Variants in PDE1C observed in about 807,000 individuals in gnomAD.
PDE1C encodes dual specificity calcium/calmodulin-dependent 3',5'-cyclic nucleotide phosphodiesterase 1C.
PDE1C carries 62 observed loss-of-function variants against 93.1 expected under a neutral mutation model. The ratio of observed to expected loss-of-function variants is 0.67; its 90% confidence interval spans 0.54 to 0.82. The LOEUF (loss-of-function observed/expected upper bound fraction) is 0.82, where lower values mean the gene tolerates loss of function less well. Among genes scored for constraint, PDE1C ranks in the 40% least tolerant of loss-of-function variants. PDE1C has a pLI of 0.00. For synonymous variants in PDE1C, 325 were observed against 310.1 expected (o/e 1.05, Z -0.50); for missense variants, 742 against 884.6 (o/e 0.84, Z 2.04).
At chr7:32,270,176 A>G (rs1259379609) in intron 1 of PDE1C, among the ~76,000 whole-genome samples, 2 of 152,172 alleles carry the variant, frequency 1.3e-5, no homozygotes, top group African/African-American at 4.8e-5. Flanking sequence ...GCTTTGTAAA[A>G]AAAAATCTAA....
chr7:32,364,860 G>A (rs1784201168), intron 1 of PDE1C, among the ~76,000 whole-genome samples: 1 of 152,216 alleles, frequency 6.6e-6, no homozygotes, highest in Admixed American at 6.5e-5. Context: ...TGGAGCTTGG[G>A]CCCAGGATGG....
chr7:32,099,959 T>C (rs1174742047), intron 3 of PDE1C, among the ~76,000 whole-genome samples: 2 of 151,974 alleles, frequency 1.3e-5, no homozygotes, highest in East Asian at 1.9e-4. Flanking sequence ...ATCACCAACA[T>C]AAAAGCAGTT....
chr7:32,302,736 T>C (rs1419100935), upstream of PDE1C, among the ~76,000 whole-genome samples: 1 of 152,224 alleles, frequency 6.6e-6, no homozygotes, highest in African/African-American at 2.4e-5. Context: ...TATCAAAAAG[T>C]ATAGTTTCTA....
At position 32,105,567 on chromosome 7, in the gene PDE1C, T is replaced by C. The variant is rs1798256234; in HGVS notation, c.308+64218A>G. ...GGAGGGAGAAGGACATACACTCCTC[T>C]TCCCCGTTAGCTCCCAGAATGTTGG... On this transcript the variant is annotated intron_variant, in intron 3 of 18. Transcript: ENST00000396193. Among the ~76,000 whole-genome samples, 5 of 152,288 alleles carry C rather than the reference T, an allele frequency of 3.3e-5. 1 individual carries two copies. The highest frequency in any genetic ancestry group is 6.8e-3 in the Middle Eastern group (2 of 294).
intron 2 of PDE1C, among the ~76,000 whole-genome samples, chr7:31,920,875 G>T (rs1020418219): frequency 2.0e-5 from 3 of 152,170 alleles, no homozygotes; most frequent in African/African-American, 7.2e-5. Context: ...AAAACTCGTA[G>T]TCAAGTCTCC....
At chr7:32,401,812 C>T (rs1784948230) in intron 1 of PDE1C, among the ~76,000 whole-genome samples, 1 of 152,178 alleles carries the variant, frequency 6.6e-6, no homozygotes, top group Non-Finnish European at 1.5e-5. Flanking sequence ...GGGCAACTCG[C>T]CTACGTCAGA....
chr7:31,899,132 C>CTTTTTTTTTT (rs386409838), intron 2 of PDE1C, among the ~76,000 whole-genome samples: 2 of 85,018 alleles, frequency 2.4e-5, no homozygotes, highest in Non-Finnish European at 4.5e-5. Context: ...GGCAGTCCCA[C>CTTTTTTTTTT]TTTTTTTTTT....
chr7:31,855,034 T>A (rs1793821982), intron 7 of PDE1C, among the ~76,000 whole-genome samples: 1 of 131,630 alleles, frequency 7.6e-6, no homozygotes, highest in Admixed American at 8.4e-5. Context: ...ACCACTGCAC[T>A]CCAGCCTGGG....
chr7:32,318,653 C>T (rs560171832), intron 1 of PDE1C, among the ~76,000 whole-genome samples: 16 of 152,210 alleles, frequency 1.1e-4, no homozygotes, highest in Admixed American at 2.6e-4. Context: ...ACGCAGGTGC[C>T]TCTGTCTGCC....
intron 1 of PDE1C, among the ~76,000 whole-genome samples, chr7:32,295,893 CAAAAAAAA>C (rs147462417): frequency 2.3e-5 from 2 of 85,122 alleles, no homozygotes; most frequent in Admixed American, 1.3e-4. Flanking sequence ...GACTCTGTCT[CAAAAAAAA>C]AAAAAAAAAA....
intron 2 of PDE1C, among the ~76,000 whole-genome samples, chr7:31,899,609 A>C (rs1799731280): frequency 6.6e-6 from 1 of 152,202 alleles, no homozygotes; most frequent in South Asian, 2.1e-4. Flanking sequence ...AAGGGTGTTG[A>C]AATCAAGGGA....
At chr7:31,794,856 C>G (rs1785093464) in intron 16 of PDE1C, among the ~76,000 whole-genome samples, 1 of 151,946 alleles carries the variant, frequency 6.6e-6, no homozygotes. Flanking sequence ...GTAAGTGAGG[C>G]TTGGATTTTA....
At chr7:31,851,280 T>C (rs917623671) in intron 7 of PDE1C, among the ~76,000 whole-genome samples, 5 of 152,158 alleles carry the variant, frequency 3.3e-5, no homozygotes, top group African/African-American at 4.8e-5. Flanking sequence ...ACCATCAACA[T>C]TGGCTGTGGG....
chr7:31,808,094 T>A (rs1473074624), intron 16 of PDE1C, among the ~76,000 whole-genome samples: 1 of 152,070 alleles, frequency 6.6e-6, no homozygotes, highest in Admixed American at 6.6e-5. Context: ...CTAAAGGGGC[T>A]GCTTCCTTTA....
At chr7:32,333,352 G>T (rs1394584592) in intron 1 of PDE1C, among the ~76,000 whole-genome samples, 2 of 152,060 alleles carry the variant, frequency 1.3e-5, no homozygotes, top group East Asian at 3.8e-4. Flanking sequence ...TTTCAATGTA[G>T]TGTTTTAAAC....
chr7:32,135,111 C>G (rs576305681), intron 3 of PDE1C, among the ~76,000 whole-genome samples: 2 of 152,082 alleles, frequency 1.3e-5, no homozygotes, highest in South Asian at 2.1e-4. Context: ...AGAAGGCCAA[C>G]AAGAGACAAA....
At chr7:32,080,871 T>C (rs1796626845) in intron 3 of PDE1C, among the ~76,000 whole-genome samples, 1 of 152,204 alleles carries the variant, frequency 6.6e-6, no homozygotes, top group South Asian at 2.1e-4. Flanking sequence ...CTGAAGGCAC[T>C]GTGACTCGGC....
intron 1 of PDE1C, among the ~76,000 whole-genome samples, chr7:32,264,358 C>T (rs762821225): frequency 4.6e-5 from 7 of 152,152 alleles, no homozygotes; most frequent in African/African-American, 9.7e-5. Flanking sequence ...CCTTTATGGC[C>T]GCTCTTTGAG....
chr7:31,809,198 G>A (rs1472483847), intron 15 of PDE1C, 90 bp from the exon 16 acceptor site: 10 of 730,224 alleles, frequency 1.4e-5, no homozygotes, highest in Middle Eastern at 2.4e-4. Context: ...TTGAAAAAGT[G>A]CAGCATAATT....
Sources: gnomAD v4.1 joint callset for allele counts (sites outside exome capture counted in the v4.1 genomes callset) on GRCh38, gnomAD v4.1.1 for gene constraint, MANE v1.5 for transcripts, NCBI Gene and HGNC (gene_info 2026-07-23, HGNC 2026-07-21) for gene names.